The following CTSD variants were observed in gnomAD, a reference collection of about 807,000 sequenced individuals.
The protein encoded by CTSD is cathepsin D.
A neutral mutation model predicts 43.6 loss-of-function variants in CTSD; 28 were observed. The observed-to-expected ratio is 0.64, with a 90% CI of 0.48 to 0.88. The LOEUF (loss-of-function observed/expected upper bound fraction) is 0.88. CTSD is among the 40% of genes least tolerant of loss of function. The pLI is 0.00. For missense variants in CTSD, 485 were observed against 555.2 expected (o/e 0.87, Z 1.27); for synonymous variants, 270 against 249.8 (o/e 1.08, Z -0.76).
rs1175178320 is a variant in CTSD at position 1,754,426 on chromosome 11, CATGGAGGG to C, written c.828-296_828-289del. Among the ~76,000 whole-genome samples, 31 of 68,420 alleles carry C rather than the reference CATGGAGGG, an allele frequency of 4.5e-4. 1 individual carries two copies. In the South Asian group the frequency reaches 6.9e-3, roughly 15 times the overall value. The allele number at this position is 68,420 out of a possible 152,430, so 44.9% of individuals were successfully genotyped here. A position where few individuals can be genotyped will look rare whatever the true frequency, so the allele number is the denominator to read the frequency against. ...TGGAGGGGATGAAGGGATGGAGGGG[CATGGAGGG>C]ATGGAGGGATGGAGGGATAGACAGA... On this transcript the variant is annotated intron_variant, in intron 6 of 8. Coordinates refer to ENST00000236671, the MANE Select transcript of CTSD (RefSeq NM_001909.5).
rs545248728 is a variant in CTSD, at chr11:1,755,694, T to C, written c.705-666A>G. On this transcript the variant is annotated intron_variant, in intron 5 of 8. Transcript: ENST00000236671. ...CCGGTCCTGGTAGAGAAGCTCTCTG[T>C]GTCTGGGGCGGTTCTGCCATCCCGC... Among the ~76,000 whole-genome samples the C allele has an allele frequency of 1.5e-3, 229 of 152,282 alleles. 1 individual carries two copies. The highest frequency in any genetic ancestry group is 2.2e-3 in the Non-Finnish European group (152 of 68,012).
chr11:1,755,105 A>C (rs1189473779), intron 5 of CTSD, 77 bp from the exon 6 acceptor site: 1 of 1,561,424 alleles, frequency 6.4e-7, no homozygotes, highest in East Asian at 2.2e-5. Flanking sequence ...TAAGAGGGTG[A>C]ATGTGGCAAT....
chr11:1,763,657 G>A (rs1400605985), intron 1 of CTSD, 135 bp downstream of exon 1: 13 of 863,190 alleles, frequency 1.5e-5, no homozygotes, highest in Non-Finnish European at 2.2e-5. Flanking sequence ...GCGCAGGGCG[G>A]CACAGGTGCA....
Position 1,757,442 on chromosome 11 carries a change from C to A in CTSD, c.586G>T (p.Asp196Tyr), listed in dbSNP as rs1388675826. Residue 196 changes from aspartate (D) to tyrosine (Y), a missense_variant, in exon 5 of 9, where the codon GAT becomes TAT. By Grantham distance (160) the Asp-to-Tyr change is radical (BLOSUM62 -3). Transcript: ENST00000236671. ...GGGTAGGCCATGCCCAGGATGCCATCGAACTTGGCTGCGATGAAGGTGATG... is the reference window on the plus strand; with the variant it reads ...GGGTAGGCCATGCCCAGGATGCCATAGAACTTGGCTGCGATGAAGGTGATG... Reference protein sequence around the residue: ...PGITFIAAKFDGILGMAYPRI... With the variant: ...PGITFIAAKFYGILGMAYPRI... 1 of 1,614,126 alleles carries A rather than the reference C, an allele frequency of 6.2e-7. No homozygotes were observed. Among genetic ancestry groups the A allele is most frequent in the Non-Finnish European group, 8.5e-7 (1 of 1,180,040 alleles).
chr11:1,763,756 C>G, intron 1 of CTSD, 36 bp downstream of exon 1: 3 of 1,513,794 alleles, frequency 2.0e-6, no homozygotes, highest in Non-Finnish European at 1.8e-6. Flanking sequence ...GCCGCGACCC[C>G]TGCCCGTCCC....
At position 1,759,567 on chromosome 11, in the gene CTSD, A is replaced by G. The variant is rs1049074086; in HGVS notation, c.301T>C (p.Ser101Pro). 2 of 1,613,444 alleles carry G rather than the reference A, an allele frequency of 1.2e-6. No individual in the cohort carries two copies. The highest frequency in any genetic ancestry group is 1.3e-5 in the African/African-American group (1 of 74,944). ...CFTVVFDTGS[S>P]NLWVPSIHCK... Reference sequence around the variant, plus strand: ...TGGATGGAGGGGACCCACAGGTTGGAGGAGCCCGTGTCGAAGACGACTGTG... The same window carrying G: ...TGGATGGAGGGGACCCACAGGTTGGGGGAGCCCGTGTCGAAGACGACTGTG... Residue 101 changes from serine to proline, a missense_variant, in exon 3 of 9, where the codon TCC becomes CCC. By Grantham distance (74) the Ser-to-Pro change is moderately conservative. Transcript: ENST00000236671.
Position 1,757,540 on chromosome 11 carries a change from G to A in CTSD, c.488C>T (p.Ala163Val), listed in dbSNP as rs772976217. The A allele has an allele frequency of 3.7e-6, 6 of 1,611,328 alleles. No homozygotes were observed. The highest frequency in any genetic ancestry group is 4.5e-5 in the East Asian group (2 of 44,876). ...ACCGCCCAGGGCAGAGGCTGACGAC[G>A]CTGACTGGCAGGGCACCTGCAGGCC... The part of the protein sequence containing the change: ...QDTVSVPCQS[A>V]SSASALGGVK... The change falls in exon 5 of 9, where the codon GCG becomes GTG. Residue 163 changes from alanine to valine, a missense_variant. Physicochemically the swap from Ala to Val is moderately conservative, Grantham distance 64 (BLOSUM62 0). Transcript: ENST00000236671.
chr11:1,754,859 GC>G, intron 6 of CTSD, 46 bp downstream of exon 6: 1 of 1,611,798 alleles, frequency 6.2e-7, no homozygotes, highest in Non-Finnish European at 8.5e-7. Flanking sequence ...TCCGCACACC[GC>G]CCCCGCCCAC....
chr11:1,753,891 G>C lies in CTSD; in HGVS notation c.983C>G (p.Pro328Arg). Residue 328 changes from proline to arginine, a missense_variant, in exon 8 of 9, where the codon CCC becomes CGC. Transcript: ENST00000236671. ...VPLIQGEYMIPCEKVSTLPAI... is the reference protein window; with the variant it reads ...VPLIQGEYMIRCEKVSTLPAI... ...GGGCAGGGTGGACACCTTCTCACAG[G>C]GGATCATGTACTAAGAGGGGTCACA... 1 of 1,613,440 alleles carries C rather than the reference G, an allele frequency of 6.2e-7. No individual in the cohort carries two copies. Among genetic ancestry groups the C allele is most frequent in the African/African-American group, 1.3e-5 (1 of 75,022 alleles).
intron 1 of CTSD, chr11:1,761,730 C>G: frequency 3.6e-6 from 2 of 549,392 alleles, no homozygotes; most frequent in East Asian, 3.3e-5. Context: ...CACACCCAAC[C>G]TGGGGGCCAG....
chr11:1,758,223 C>A (rs1004949298), intron 4 of CTSD, among the ~76,000 whole-genome samples: 2 of 152,152 alleles, frequency 1.3e-5, no homozygotes, highest in African/African-American at 2.4e-5. Flanking sequence ...CTGTTAGGAG[C>A]AGCTTCAGCT....
At chr11:1,762,497 G>A (rs1845892909) in intron 1 of CTSD, 1 of 152,256 alleles carries the variant, frequency 6.6e-6, no homozygotes, top group Non-Finnish European at 1.5e-5. Context: ...CAAGGTCATA[G>A]CTGGCTTTTC....
At chr11:1,754,597 G>C (rs150782026) in intron 6 of CTSD, among the ~76,000 whole-genome samples, 1 of 138,354 alleles carries the variant, frequency 7.2e-6, no homozygotes, top group African/African-American at 2.7e-5. Context: ...AGTCACAGAG[G>C]GATGAGGGGA....
At chr11:1,758,048 AG>A in intron 4 of CTSD, 1 of 225,178 alleles carries the variant, frequency 4.4e-6, no homozygotes, top group Non-Finnish European at 9.1e-6. Flanking sequence ...CGGCCAGAGC[AG>A]GATGTGGGAA....
At chr11:1,761,650 C>T (rs971192768) in intron 1 of CTSD, 182 bp from the exon 2 acceptor site, 17 of 698,754 alleles carry the variant, frequency 2.4e-5, no homozygotes, top group Non-Finnish European at 3.8e-5. Flanking sequence ...AATGGCAACC[C>T]ATTGCCCCCC....
intron 1 of CTSD, chr11:1,763,434 G>A (rs987302354): frequency 8.5e-6 from 2 of 234,334 alleles, no homozygotes; most frequent in African/African-American, 4.5e-5. Flanking sequence ...CCAGCAACAA[G>A]GGCGCTCAGT....
intron 1 of CTSD, chr11:1,762,539 G>A (rs1008337450): frequency 3.3e-5 from 5 of 152,384 alleles, no homozygotes; most frequent in African/African-American, 1.2e-4. Flanking sequence ...CCCGGAAGAT[G>A]AGATTATTGC....
intron 5 of CTSD, chr11:1,755,487 G>GA (rs1210794978): frequency 1.4e-5 from 4 of 295,742 alleles, no homozygotes; most frequent in African/African-American, 2.2e-5. Context: ...CTGCTCCTGG[G>GA]AACACCCTCC....
At chr11:1,755,686 GCT>G (rs1845800711) in intron 5 of CTSD, among the ~76,000 whole-genome samples, 1 of 152,178 alleles carries the variant, frequency 6.6e-6, no homozygotes, top group Non-Finnish European at 1.5e-5. Context: ...TGGTAGAGAA[GCT>G]CTCTGTGTCT....
Sources: allele counts gnomAD v4.1 joint callset (sites outside exome capture counted in the v4.1 genomes callset), GRCh38; gene constraint gnomAD v4.1.1; transcripts MANE v1.5; gene names NCBI Gene and HGNC (gene_info 2026-07-23, HGNC 2026-07-21).